Variants in CD1B observed in about 807,000 individuals in gnomAD.
CD1B encodes the protein T-cell surface glycoprotein CD1b.
CD1B carries 43 observed loss-of-function variants against 39.8 expected under a neutral mutation model. That is an observed-to-expected ratio of 1.08 (90% CI 0.85 to 1.39). The LOEUF (loss-of-function observed/expected upper bound fraction) is 1.39. Ranked by LOEUF, CD1B falls within the 40% of genes most tolerant of loss-of-function variation. The probability of loss-of-function intolerance (pLI) is 0.00; values close to 1 mark genes in which losing one functional copy is unlikely to be tolerated. For missense variants in CD1B, 495 were observed against 403.8 expected, an observed-to-expected ratio of 1.23 and a Z score of -1.94; for synonymous variants, 192 against 152.5, an observed-to-expected ratio of 1.26 and a Z score of -1.91.
chr1:158,309,947 A>G, the CD1B span, among the ~76,000 whole-genome samples: 5 of 151,600 alleles, frequency 3.3e-5, no homozygotes, highest in Non-Finnish European at 5.9e-5. Flanking sequence ...TAACCTGCAC[A>G]TTGTGCACAT....
At chr1:158,323,354 A>T (rs1158838309), downstream of CD1B, among the ~76,000 whole-genome samples, 1 of 151,830 alleles carries the variant, frequency 6.6e-6, no homozygotes, top group Non-Finnish European at 1.5e-5. Flanking sequence ...TCATTACTTT[A>T]GTCCCTGTTA....
chr1:158,316,897 C>G, the CD1B span, among the ~76,000 whole-genome samples: 1 of 151,952 alleles, frequency 6.6e-6, no homozygotes, highest in South Asian at 2.1e-4. Flanking sequence ...AAGGTCTTTT[C>G]TGCATCTATT....
downstream of CD1B, among the ~76,000 whole-genome samples, chr1:158,326,536 T>C (rs2101708469): frequency 6.6e-6 from 1 of 152,216 alleles, no homozygotes; most frequent in Admixed American, 6.5e-5. Context: ...CATGAGACAA[T>C]TGGAAAAAAT....
chr1:158,306,841 A>G, the CD1B span, among the ~76,000 whole-genome samples: 2 of 152,208 alleles, frequency 1.3e-5, no homozygotes, highest in African/African-American at 2.4e-5. Context: ...CTGGGTACAT[A>G]ATGAAATGAA....
At chr1:158,292,615 G>C in the CD1B span, 1 of 1,612,828 alleles carries the variant, frequency 6.2e-7, no homozygotes, top group Non-Finnish European at 8.5e-7. Context: ...AAGCCTGGCT[G>C]TCCAGTCGCC....
the CD1B span, among the ~76,000 whole-genome samples, chr1:158,315,313 C>G: frequency 6.6e-6 from 1 of 152,012 alleles, no homozygotes; most frequent in Non-Finnish European, 1.5e-5. Context: ...TCCTCCCCAG[C>G]ACCTGTTGTT....
chr1:158,302,107 C>A, the CD1B span, among the ~76,000 whole-genome samples: 1 of 152,020 alleles, frequency 6.6e-6, no homozygotes, highest in Non-Finnish European at 1.5e-5. Context: ...TGCACCACAG[C>A]ACAACAAAAA....
the CD1B span, among the ~76,000 whole-genome samples, chr1:158,315,603 A>G: frequency 3.3e-5 from 5 of 151,190 alleles, no homozygotes; most frequent in East Asian, 5.8e-4. Context: ...CCCATTTTGT[A>G]GGTTGCCTGT....
the CD1B span, among the ~76,000 whole-genome samples, chr1:158,311,922 G>A: frequency 6.6e-6 from 1 of 152,256 alleles, no homozygotes; most frequent in Non-Finnish European, 1.5e-5. Flanking sequence ...TTTGAAATCA[G>A]GTAGTGTGAT....
chr1:158,325,824 A>T (rs1475950071), downstream of CD1B, among the ~76,000 whole-genome samples: 4 of 152,194 alleles, frequency 2.6e-5, 1 homozygote, highest in Middle Eastern at 6.3e-3. Context: ...GCCACCTTCA[A>T]TATAACTTGT....
At chr1:158,325,359 A>G (rs1652312926), downstream of CD1B, among the ~76,000 whole-genome samples, 1 of 152,134 alleles carries the variant, frequency 6.6e-6, no homozygotes, top group Admixed American at 6.5e-5. Context: ...ATGATATTGC[A>G]TCAGATTGGA....
chr1:158,299,615 C>T, the CD1B span, among the ~76,000 whole-genome samples: 17 of 152,262 alleles, frequency 1.1e-4, no homozygotes, highest in Middle Eastern at 3.4e-3. Flanking sequence ...CCATCTGGTC[C>T]TGGACTTTTT....
At chr1:158,298,815 T>G in the CD1B span, among the ~76,000 whole-genome samples, 5 of 152,128 alleles carry the variant, frequency 3.3e-5, no homozygotes. Context: ...GGCTCTCTGT[T>G]TGTCTGTTAT....
the CD1B span, among the ~76,000 whole-genome samples, chr1:158,319,507 A>G: frequency 3.3e-5 from 5 of 152,168 alleles, no homozygotes; most frequent in Non-Finnish European, 7.3e-5. Flanking sequence ...CTTGGTTGTC[A>G]GCTCCATCAC....
chr1:158,328,098 A>G lies in CD1B; in HGVS notation c.*138T>C. On this transcript the variant is annotated 3_prime_UTR_variant, in exon 6 of 6. Coordinates refer to ENST00000368168, the MANE Select transcript of CD1B (RefSeq NM_001764.3). Reference sequence around the variant, plus strand: ...ACTTTTTTGCTGATGTTTAAATAATAATTTATTTTAAAATACATGAAAACT... The same window carrying G: ...ACTTTTTTGCTGATGTTTAAATAATGATTTATTTTAAAATACATGAAAACT... 1 of 703,412 alleles carries G rather than the reference A, an allele frequency of 1.4e-6. No individual in the cohort carries two copies. The highest frequency in any genetic ancestry group is 2.5e-4 in the Middle Eastern group (1 of 3,936). The allele number at this position is 703,412 out of a possible 1,614,324, so 43.6% of individuals were successfully genotyped here. A position where few individuals can be genotyped will look rare whatever the true frequency, so the allele number is the denominator to read the frequency against.
the CD1B span, among the ~76,000 whole-genome samples, chr1:158,296,718 T>A: frequency 6.6e-6 from 1 of 152,036 alleles, no homozygotes. Flanking sequence ...AATAATACAA[T>A]AACTGAAAGA....
At chr1:158,294,805 T>C in the CD1B span, among the ~76,000 whole-genome samples, 1 of 152,254 alleles carries the variant, frequency 6.6e-6, no homozygotes, top group Non-Finnish European at 1.5e-5. Context: ...GTTTAGCATA[T>C]GGTTGTAAGT....
the CD1B span, among the ~76,000 whole-genome samples, chr1:158,318,106 G>T: frequency 1.3e-5 from 2 of 152,180 alleles, no homozygotes; most frequent in Non-Finnish European, 2.9e-5. Context: ...TTTGGAATAG[G>T]TGTGGTGTGG....
the CD1B span, chr1:158,292,133 G>C: frequency 1.2e-6 from 2 of 1,614,124 alleles, no homozygotes; most frequent in Non-Finnish European, 1.7e-6. Flanking sequence ...ATTCTGGAAA[G>C]AGCCCAGAAG....
Sources: allele counts gnomAD v4.1 joint callset (sites outside exome capture counted in the v4.1 genomes callset), GRCh38; gene constraint gnomAD v4.1.1; transcripts MANE v1.5; gene names NCBI Gene and HGNC (gene_info 2026-07-23, HGNC 2026-07-21).